Variants in ZNF99 observed in about 807,000 individuals in gnomAD.
ZNF99 encodes the protein zinc finger protein ENSP00000375192.
ZNF99 carries 8 observed loss-of-function variants against 12.8 expected under a neutral mutation model. That is an observed-to-expected ratio of 0.62 (90% CI 0.37 to 1.13). The LOEUF is 1.13. Ranked by LOEUF, ZNF99 falls within the 50% of genes most tolerant of loss-of-function variation. ZNF99 has a pLI of 0.02. For missense variants in ZNF99, 1,007 were observed against 1,006.2 expected, an observed-to-expected ratio of 1.00 and a Z score of -0.01; for synonymous variants, 318 against 319.0, an observed-to-expected ratio of 1.00 and a Z score of 0.03.
Position 22,758,510 on chromosome 19 carries a change from C to T in ZNF99, c.1399G>A (p.Ala467Thr). The T allele has an allele frequency of 1.2e-6, 2 of 1,610,398 alleles. No individual in the cohort carries two copies. Among genetic ancestry groups the T allele is most frequent in the East Asian group, 4.5e-5 (2 of 44,668 alleles). ...TGAATTATCTCATGTTTTCTAAGGG[C>T]TGAAAAATTGCTAAAAGCTTTGCTG... Reference protein sequence around the residue: ...ECSKAFSNFSALRKHEIIHTG... With the variant: ...ECSKAFSNFSTLRKHEIIHTG... Residue 467 changes from alanine (A) to threonine (T), a missense_variant, in exon 4 of 4, where the codon GCC (alanine) becomes ACC (threonine). Physicochemically the swap from Ala to Thr is moderately conservative, Grantham distance 58. Transcript: ENST00000596209.
intron 3 of ZNF99, among the ~76,000 whole-genome samples, chr19:22,760,854 T>C (rs1449737586): frequency 1.4e-5 from 2 of 146,832 alleles, no homozygotes; most frequent in Admixed American, 1.4e-4. Context: ...AGATTACTAT[T>C]GAGAAGAAAC....
intron 1 of ZNF99, among the ~76,000 whole-genome samples, chr19:22,772,793 A>C (rs2145154757): frequency 6.6e-6 from 1 of 152,212 alleles, no homozygotes; most frequent in South Asian, 2.1e-4. Flanking sequence ...CTTTTTTCTC[A>C]AATCTGAAAA....
rs575990397 is a variant in ZNF99, at chr19:22,776,725, T to A, written c.3+7289A>T. ...CCCGGCAACCTCATAATTGGGTATA[T>A]ACCCAAAGAAATAAAAATTATTCTG... On this transcript the variant is annotated intron_variant, in intron 1 of 3. Transcript: ENST00000596209. Among the ~76,000 whole-genome samples, 3 of 152,206 alleles carry A rather than the reference T, an allele frequency of 2.0e-5. No homozygotes were observed. In the East Asian group the frequency reaches 5.8e-4, roughly 29 times the overall value.
intron 3 of ZNF99, among the ~76,000 whole-genome samples, chr19:22,762,959 A>C (rs62120066): frequency 0.083 from 12,641 of 152,236 alleles, 553 homozygotes; most frequent in Middle Eastern, 0.11. Flanking sequence ...AACTCTTAGC[A>C]ACACTGGCAT....
Position 22,758,199 on chromosome 19 carries a change from A to C in ZNF99, c.1710T>G (p.Cys570Trp). The C allele has an allele frequency of 6.2e-7, 1 of 1,613,680 alleles. No homozygotes were observed. The highest frequency in any genetic ancestry group is 8.5e-7 in the Non-Finnish European group (1 of 1,179,812). Residue 570 changes from cysteine (C) to tryptophan (W), a missense_variant, in exon 4 of 4, where the codon TGT (cysteine) becomes TGG (tryptophan). Physicochemically the swap from Cys to Trp is radical, Grantham distance 215 (BLOSUM62 -2). Transcript: ENST00000596209. Reference sequence around the variant, plus strand: ...GTGAAGATTGCTTAAAAGCTTTGCCACATTCTTCACATTTGTATGGTTTCT... The same window carrying C: ...GTGAAGATTGCTTAAAAGCTTTGCCCCATTCTTCACATTTGTATGGTTTCT... Reference protein sequence around the residue: ...TGKKPYKCEECGKAFKQSSHL... With the variant: ...TGKKPYKCEEWGKAFKQSSHL...
At chr19:22,782,904 G>A (rs1352843123) in intron 1 of ZNF99, among the ~76,000 whole-genome samples, 3 of 139,068 alleles carry the variant, frequency 2.2e-5, no homozygotes, top group Admixed American at 7.1e-5. Flanking sequence ...TCCTGACTTC[G>A]TGATTCACCC....
At chr19:22,761,579 C>A (rs1973151229) in intron 3 of ZNF99, among the ~76,000 whole-genome samples, 1 of 152,114 alleles carries the variant, frequency 6.6e-6, no homozygotes, top group African/African-American at 2.4e-5. Context: ...CTAGACAGGT[C>A]ATCAAGACAG....
At chr19:22,767,852 C>A (rs192440265) in intron 3 of ZNF99, among the ~76,000 whole-genome samples, 47 of 152,212 alleles carry the variant, frequency 3.1e-4, no homozygotes, top group Admixed American at 2.2e-3. Flanking sequence ...GAAGTATATG[C>A]CGGTATCTGT....
intron 1 of ZNF99, among the ~76,000 whole-genome samples, chr19:22,776,140 C>G (rs1382061415): frequency 1.3e-5 from 2 of 151,772 alleles, no homozygotes; most frequent in African/African-American, 2.4e-5. Context: ...CACTTGAGAT[C>G]AGGAGTTTGA....
chr19:22,761,624 C>T (rs1299716365), intron 3 of ZNF99, among the ~76,000 whole-genome samples: 2 of 152,146 alleles, frequency 1.3e-5, no homozygotes, highest in African/African-American at 4.8e-5. Context: ...TTAAACTATA[C>T]CTTGGAGCAA....
chr19:22,780,920 A>G (rs1300079467), intron 1 of ZNF99, among the ~76,000 whole-genome samples: 1 of 152,190 alleles, frequency 6.6e-6, no homozygotes, highest in East Asian at 1.9e-4. Flanking sequence ...TCTAAAGCCA[A>G]AATGGAAGAG....
intron 1 of ZNF99, among the ~76,000 whole-genome samples, chr19:22,777,426 TG>T (rs1973341895): frequency 6.6e-6 from 1 of 152,168 alleles, no homozygotes; most frequent in East Asian, 1.9e-4. Context: ...AATACCTGTG[TG>T]GTGCTGTGCT....
At chr19:22,768,237 A>T in intron 3 of ZNF99, 68 bp downstream of exon 3, 4 of 1,532,080 alleles carry the variant, frequency 2.6e-6, no homozygotes, top group Non-Finnish European at 3.6e-6. Flanking sequence ...TCACATTTTG[A>T]GAACTGGCTT....
chr19:22,759,978 TC>T (rs572789785), intron 3 of ZNF99, among the ~76,000 whole-genome samples: 66 of 152,236 alleles, frequency 4.3e-4, no homozygotes, highest in Middle Eastern at 6.8e-3. Context: ...CTCTTCCTGC[TC>T]CCCAAAATGA....
chr19:22,753,601 C>T lies in ZNF99; in HGVS notation c.*3713G>A, dbSNP rs1973002090. 6.5e-6 allele frequency: 1 copy of T among 153,140 alleles called. No individual in the cohort carries two copies. The highest frequency in any genetic ancestry group is 1.5e-5 in the Non-Finnish European group (1 of 68,722). 9.5% of individuals were successfully genotyped at this position (153,140 alleles called of 1,614,324 possible). A position where few individuals can be genotyped will look rare whatever the true frequency, so the allele number is the denominator to read the frequency against. On this transcript the variant is annotated 3_prime_UTR_variant, in exon 4 of 4. Coordinates refer to ENST00000596209, the MANE Select transcript of ZNF99 (RefSeq NM_001080409.3). ...TAAGATCTGTGATACAAATATAGTA[C>T]TACAACCGTCTTTATATTTGTAATG...
At chr19:22,761,194 T>C (rs1973147397) in intron 3 of ZNF99, among the ~76,000 whole-genome samples, 1 of 152,052 alleles carries the variant, frequency 6.6e-6, no homozygotes, top group South Asian at 2.1e-4. Flanking sequence ...ATAAGAGACA[T>C]AGGAACACAG....
chr19:22,776,177 C>G (rs867709983), intron 1 of ZNF99, among the ~76,000 whole-genome samples: 47 of 151,180 alleles, frequency 3.1e-4, no homozygotes, highest in African/African-American at 1.1e-3. Context: ...ATGGTTAAAC[C>G]TCATCTCTAC....
chr19:22,766,858 T>A (rs888908506), intron 3 of ZNF99, among the ~76,000 whole-genome samples: 1 of 150,752 alleles, frequency 6.6e-6, no homozygotes, highest in African/African-American at 2.4e-5. Flanking sequence ...TCCATGTTGG[T>A]CAGGCTGGTC....
At chr19:22,782,650 CCGCACCTGG>C (rs1238944682) in intron 1 of ZNF99, among the ~76,000 whole-genome samples, 8 of 148,332 alleles carry the variant, frequency 5.4e-5, no homozygotes, top group Non-Finnish European at 1.2e-4. Flanking sequence ...GCATGAACCA[CCGCACCTGG>C]CCTTTTTTTT....
Sources: gnomAD v4.1 joint callset for allele counts (sites outside exome capture counted in the v4.1 genomes callset) on GRCh38, gnomAD v4.1.1 for gene constraint, MANE v1.5 for transcripts, NCBI Gene and HGNC (gene_info 2026-07-23, HGNC 2026-07-21) for gene names.